ARMC2: variants seen among roughly 807,000 people sequenced by gnomAD.
ARMC2 encodes the protein armadillo repeat-containing protein 2.
Under a neutral mutation model 90.3 loss-of-function variants are expected in ARMC2, and 67 were observed. That is an observed-to-expected ratio of 0.74 (90% CI 0.61 to 0.91). The LOEUF is 0.91. Ranked by LOEUF, ARMC2 falls within the 40% of genes least tolerant of loss-of-function variation. The pLI, the probability that ARMC2 is intolerant of heterozygous loss-of-function variation, is 0.00. For synonymous variants in ARMC2, 393 were observed against 393.0 expected, an observed-to-expected ratio of 1.00 and a Z score of 0.00; for missense variants, 920 against 1,030.9, an observed-to-expected ratio of 0.89 and a Z score of 1.47.
chr6:108,929,891 T>G (rs1271002328), intron 11 of ARMC2, among the ~76,000 whole-genome samples: 2 of 152,118 alleles, frequency 1.3e-5, no homozygotes, highest in Non-Finnish European at 2.9e-5. Flanking sequence ...GTGGATCACT[T>G]AAGCCCAAGA....
intron 12 of ARMC2, among the ~76,000 whole-genome samples, chr6:108,938,572 A>ATTATAATT (rs1251467233): frequency 8.5e-5 from 12 of 140,432 alleles, no homozygotes; most frequent in Non-Finnish European, 1.6e-4. Context: ...ATGAATTTTA[A>ATTATAATT]TTATAATTTT....
chr6:108,859,573 G>A (rs1303823299), intron 3 of ARMC2, among the ~76,000 whole-genome samples: 13 of 152,100 alleles, frequency 8.5e-5, no homozygotes, highest in Non-Finnish European at 1.9e-4. Context: ...CAATCATGCT[G>A]GGTACTTGAA....
the ARMC2 span, among the ~76,000 whole-genome samples, chr6:109,041,149 A>T: frequency 6.6e-6 from 1 of 150,786 alleles, no homozygotes; most frequent in Non-Finnish European, 1.5e-5. Context: ...AAAAAAAAAA[A>T]AAACAAACCA....
chr6:109,019,892 T>C, the ARMC2 span, among the ~76,000 whole-genome samples: 1 of 152,216 alleles, frequency 6.6e-6, no homozygotes, highest in African/African-American at 2.4e-5. Flanking sequence ...TTGTAGATCA[T>C]AAATACGCAT....
rs145017841 is a variant in ARMC2 at position 108,861,468 on chromosome 6, A to T, written c.291+3197A>T. On this transcript the variant is annotated intron_variant, in intron 3 of 17. Coordinates refer to ENST00000392644, the MANE Select transcript of ARMC2 (RefSeq NM_032131.6). ...ATAGCTCAGAAAATTAACATTACTC[A>T]GTAATATCATTTAATGTATAGTCCA... Among the ~76,000 whole-genome samples, 9 of 152,360 alleles carry T rather than the reference A, an allele frequency of 5.9e-5. No individual in the cohort carries two copies. In the East Asian group the frequency reaches 7.7e-4, roughly 13 times the overall value.
At chr6:108,895,618 T>C (rs1771530339) in intron 6 of ARMC2, among the ~76,000 whole-genome samples, 1 of 151,978 alleles carries the variant, frequency 6.6e-6, no homozygotes, top group Admixed American at 6.6e-5. Context: ...TGATACAAAA[T>C]GTATTCATGC....
At position 108,965,977 on chromosome 6, in the gene ARMC2, A is replaced by T. The variant is rs1347816919; in HGVS notation, c.2446+837A>T. On this transcript the variant is annotated intron_variant, in intron 17 of 17. Transcript: ENST00000392644. ...CAGGATCATTTTTTACATTTAAAAAATTTTTATAATTTTAGGATAATTTTT... is the reference window on the plus strand; with the variant it reads ...CAGGATCATTTTTTACATTTAAAAATTTTTTATAATTTTAGGATAATTTTT... Among the ~76,000 whole-genome samples the T allele has an allele frequency of 5.3e-5, 8 of 151,010 alleles. No homozygotes were observed. In the South Asian group the frequency reaches 6.4e-4, roughly 12 times the overall value.
the ARMC2 span, among the ~76,000 whole-genome samples, chr6:109,052,788 G>A: frequency 1.3e-5 from 2 of 151,968 alleles, no homozygotes; most frequent in East Asian, 1.9e-4. Context: ...GTTTTGAGAC[G>A]AGACAGAATA....
At chr6:108,946,304 A>AT (rs142997462) in intron 12 of ARMC2, among the ~76,000 whole-genome samples, 165 of 152,358 alleles carry the variant, frequency 1.1e-3, no homozygotes, top group Admixed American at 2.5e-3. Flanking sequence ...GATAGAACAG[A>AT]TAGATGGATG....
At chr6:109,040,110 T>A in the ARMC2 span, among the ~76,000 whole-genome samples, 1 of 152,180 alleles carries the variant, frequency 6.6e-6, no homozygotes. Context: ...GCGTAAAAAC[T>A]TCAGTCATGA....
intron 10 of ARMC2, 135 bp from the exon 11 acceptor site, chr6:108,927,953 G>T: frequency 1.2e-6 from 1 of 834,064 alleles, no homozygotes. Context: ...CACATTCCCT[G>T]GTGGGAGATG....
chr6:108,892,780 TG>T (rs1001724939), intron 5 of ARMC2, among the ~76,000 whole-genome samples: 3 of 121,292 alleles, frequency 2.5e-5, no homozygotes, highest in African/African-American at 3.1e-5. Context: ...AAAAAAAAGG[TG>T]GGGGGAACAT....
At chr6:109,032,608 A>G in the ARMC2 span, among the ~76,000 whole-genome samples, 1 of 146,252 alleles carries the variant, frequency 6.8e-6, no homozygotes, top group South Asian at 2.1e-4. Flanking sequence ...ACAGAGCAAG[A>G]CTTCATCTCG....
chr6:108,890,369 G>C (rs1248781153), intron 5 of ARMC2, among the ~76,000 whole-genome samples: 1 of 150,762 alleles, frequency 6.6e-6, no homozygotes, highest in African/African-American at 2.5e-5. Context: ...AAATTAATCT[G>C]TTTATTAAGT....
the ARMC2 span, among the ~76,000 whole-genome samples, chr6:109,037,331 A>G: frequency 6.6e-6 from 1 of 152,226 alleles, no homozygotes; most frequent in African/African-American, 2.4e-5. Context: ...ACAGAAAAGA[A>G]GTATGTTTTT....
the ARMC2 span, among the ~76,000 whole-genome samples, chr6:109,020,923 A>T: frequency 6.6e-6 from 1 of 152,184 alleles, no homozygotes; most frequent in Non-Finnish European, 1.5e-5. Context: ...GTAGTTCCCT[A>T]AAAAAGGAAT....
At chr6:108,865,485 T>TA (rs1402770668) in intron 3 of ARMC2, among the ~76,000 whole-genome samples, 1 of 152,252 alleles carries the variant, frequency 6.6e-6, no homozygotes, top group Non-Finnish European at 1.5e-5. Flanking sequence ...ATGCTTTACA[T>TA]ATGTCACTTT....
chr6:108,852,283 G>A (rs1210735115), intron 1 of ARMC2, among the ~76,000 whole-genome samples: 1 of 152,056 alleles, frequency 6.6e-6, no homozygotes, highest in Non-Finnish European at 1.5e-5. Flanking sequence ...TTGATTTAGT[G>A]AATATTAATA....
chr6:108,896,305 G>A (rs1003678702), intron 6 of ARMC2, among the ~76,000 whole-genome samples: 4 of 152,056 alleles, frequency 2.6e-5, no homozygotes, highest in African/African-American at 9.7e-5. Context: ...CCAATTTCCT[G>A]TTGAATCATA....
Sources: allele counts gnomAD v4.1 joint callset (sites outside exome capture counted in the v4.1 genomes callset), GRCh38; gene constraint gnomAD v4.1.1; transcripts MANE v1.5; gene names NCBI Gene and HGNC (gene_info 2026-07-23, HGNC 2026-07-21).